Variants in OR2AT4 observed in about 807,000 individuals in gnomAD.
OR2AT4 encodes the protein olfactory receptor 2AT4.
OR2AT4 carries 6 observed loss-of-function variants against 10.3 expected under a neutral mutation model. That is an observed-to-expected ratio of 0.58 (90% CI 0.32 to 1.15). The LOEUF (loss-of-function observed/expected upper bound fraction) is 1.15, where lower values mean the gene tolerates loss of function less well. Among genes scored for constraint, OR2AT4 ranks in the 50% most tolerant of loss-of-function variants. OR2AT4 has a pLI of 0.05. For synonymous variants in OR2AT4, 145 were observed against 159.1 expected, an observed-to-expected ratio of 0.91 and a Z score of 0.67; for missense variants, 354 against 393.8, an observed-to-expected ratio of 0.90 and a Z score of 0.85.
At chr11:75,096,733 C>G (rs1197935463) in intron 1 of OR2AT4, 95 bp downstream of exon 1, 1 of 152,350 alleles carries the variant, frequency 6.6e-6, no homozygotes, top group Non-Finnish European at 1.5e-5. Flanking sequence ...AGGATCTTTA[C>G]TGTGGTTGTA....
exon 2 of OR2AT4, chr11:75,084,059 T>C (rs1949278940): frequency 6.6e-6 from 1 of 152,010 alleles, no homozygotes; most frequent in South Asian, 2.1e-4. Flanking sequence ...AAATCATGGA[T>C]GCAGCTGGAG....
chr11:75,083,720 C>T (rs1416021006), exon 2 of OR2AT4: 1 of 152,066 alleles, frequency 6.6e-6, no homozygotes, highest in Non-Finnish European at 1.5e-5. Flanking sequence ...GCCTGTAATC[C>T]CAGCACTTTG....
chr11:75,084,561 G>A (rs1245839940), exon 2 of OR2AT4: 1 of 151,986 alleles, frequency 6.6e-6, no homozygotes, highest in African/African-American at 2.4e-5. Context: ...ACTTCCAAGG[G>A]TGCACAGAAC....
intron 1 of OR2AT4, among the ~76,000 whole-genome samples, chr11:75,091,006 G>C (rs1003074568): frequency 1.3e-5 from 2 of 152,196 alleles, no homozygotes; most frequent in African/African-American, 4.8e-5. Flanking sequence ...TCCTTCCGGG[G>C]TGAGGAGATA....
chr11:75,090,439 C>T (rs1027503365), intron 1 of OR2AT4, 75 bp from the exon 2 acceptor site: 3 of 152,226 alleles, frequency 2.0e-5, no homozygotes, highest in Non-Finnish European at 2.9e-5. Context: ...ATAAATTACA[C>T]AAATCACATT....
exon 2 of OR2AT4, chr11:75,088,371 G>A (rs377159604): frequency 5.1e-5 from 8 of 155,814 alleles, no homozygotes; most frequent in African/African-American, 7.2e-5. Context: ...ATTTAAATTC[G>A]TATTCTTTTT....
chr11:75,095,102 A>G (rs1230100947), intron 1 of OR2AT4, among the ~76,000 whole-genome samples: 1 of 152,148 alleles, frequency 6.6e-6, no homozygotes, highest in Admixed American at 6.5e-5. Flanking sequence ...CCTCACTTCT[A>G]TTAAACAGCA....
exon 2 of OR2AT4, chr11:75,084,524 A>G (rs1463678655): frequency 2.0e-5 from 3 of 152,236 alleles, no homozygotes; most frequent in Non-Finnish European, 4.4e-5. Context: ...TGACATTTAT[A>G]GAACACTCCA....
exon 2 of OR2AT4, chr11:75,085,221 A>G (rs2140278029): frequency 6.6e-6 from 1 of 152,244 alleles, no homozygotes; most frequent in African/African-American, 2.4e-5. Context: ...ATAATAAGGG[A>G]ACAGTACAAA....
At chr11:75,090,344 T>C (rs1949315460) in exon 2 of OR2AT4, 1 of 152,556 alleles carries the variant, frequency 6.6e-6, no homozygotes, top group Non-Finnish European at 1.5e-5. Flanking sequence ...CCATTTAAGC[T>C]AGGTGTCTGG....
chr11:75,088,625 AT>A, exon 2 of OR2AT4: 1 of 1,006,086 alleles, frequency 9.9e-7, no homozygotes, highest in East Asian at 3.0e-5. Flanking sequence ...AAGTAGTAAA[AT>A]TTTATACAAC....
exon 2 of OR2AT4, chr11:75,089,975 T>G (rs1949314255): frequency 4.6e-6 from 2 of 438,662 alleles, no homozygotes; most frequent in African/African-American, 3.9e-5. Context: ...GTCTGTATGC[T>G]TTGTTTAGGT....
exon 2 of OR2AT4, chr11:75,081,996 C>T (rs1949269252): frequency 6.6e-6 from 1 of 152,188 alleles, no homozygotes; most frequent in Admixed American, 6.5e-5. Context: ...AAACTACCAA[C>T]ATCATTTTTT....
At chr11:75,084,998 C>T (rs1949283086) in exon 2 of OR2AT4, 2 of 151,540 alleles carry the variant, frequency 1.3e-5, no homozygotes, top group South Asian at 4.1e-4. Context: ...TCAAATTAAA[C>T]CCAAAGTATG....
chr11:75,088,826 C>A, exon 2 of OR2AT4: 2 of 1,608,398 alleles, frequency 1.2e-6, no homozygotes, highest in Non-Finnish European at 1.7e-6. Context: ...TGTTTCTCAG[C>A]GTGTAAATGA....
intron 1 of OR2AT4, among the ~76,000 whole-genome samples, chr11:75,095,271 A>C (rs1415499561): frequency 6.6e-6 from 1 of 152,210 alleles, no homozygotes; most frequent in African/African-American, 2.4e-5. Context: ...CTGCTATTCA[A>C]AGCCTGTCTT....
At chr11:75,083,999 A>G (rs12289885) in exon 2 of OR2AT4, 4,364 of 152,884 alleles carry the variant, frequency 0.029, 66 homozygotes, top group African/African-American at 0.032. Flanking sequence ...AAAAAGGAGA[A>G]AATTGGTCCA....
At chr11:75,096,257 T>G (rs532272089) in intron 1 of OR2AT4, 4 of 152,344 alleles carry the variant, frequency 2.6e-5, no homozygotes, top group African/African-American at 9.6e-5. Context: ...CGAAGACAGA[T>G]GTGTCATGGC....
At chr11:75,089,680 C>A (rs769605725) in exon 2 of OR2AT4, 2 of 1,613,338 alleles carry the variant, frequency 1.2e-6, no homozygotes, top group Admixed American at 1.7e-5. Flanking sequence ...ACGGGTGAGC[C>A]ATCCACTGAT....
Sources: gnomAD v4.1 joint callset for allele counts (sites outside exome capture counted in the v4.1 genomes callset) on GRCh38, gnomAD v4.1.1 for gene constraint, MANE v1.5 for transcripts, NCBI Gene and HGNC (gene_info 2026-07-23, HGNC 2026-07-21) for gene names.